ZNF135: variants seen among roughly 807,000 people sequenced by gnomAD.
The protein encoded by ZNF135 is zinc finger protein 135 (clone pHZ-17).
In ZNF135, 11 loss-of-function variants were observed where a neutral mutation model predicts 12.3. The ratio of observed to expected loss-of-function variants is 0.89; its 90% CI spans 0.56 to 1.48. The LOEUF (loss-of-function observed/expected upper bound fraction) is 1.48, where lower values mean the gene tolerates loss of function less well. Ranked by LOEUF, ZNF135 falls within the 40% of genes most tolerant of loss-of-function variation. The pLI is 0.00. For synonymous variants in ZNF135, 316 were observed against 312.0 expected, an observed-to-expected ratio of 1.01 and a Z score of -0.14; for missense variants, 722 against 815.7, an observed-to-expected ratio of 0.89 and a Z score of 1.40.
chr19:58,060,366 G>A lies in ZNF135; in HGVS notation c.33+331G>A, dbSNP rs867754452. The A allele has an allele frequency of 6.6e-5, 84 of 1,267,224 alleles. No homozygotes were observed. Among genetic ancestry groups the A allele is most frequent in the Non-Finnish European group, 8.4e-5 (84 of 998,134 alleles). The allele number at this position is 1,267,224 out of a possible 1,614,324, so 78.5% of individuals were successfully genotyped here. On this transcript the variant is annotated intron_variant, in intron 2 of 4. Transcript: ENST00000313434. The surrounding 1 kb of genome is among the most constrained non-coding windows in gnomAD (Gnocchi z 4.9). ...GCGCCAAGCTCCCCAACCACAGCCT[G>A]CCTCTGAAAGGACCGCCCACGCCGC...
In ZNF135 at chr19:58,060,192, C is replaced by G. The variant is rs1450015420; in HGVS notation, c.33+157C>G. Reference sequence around the variant, plus strand: ...CCTACTTGCGTGCCCGGCCCCTACTCGTGCCCGGCCTCTACTCGCACAACT... The same window carrying G: ...CCTACTTGCGTGCCCGGCCCCTACTGGTGCCCGGCCTCTACTCGCACAACT... On this transcript the variant is annotated intron_variant, in intron 2 of 4. Transcript: ENST00000313434. The surrounding 1 kb of genome is among the most constrained non-coding windows in gnomAD (Gnocchi z 4.9). 2 of 1,498,524 alleles carry G rather than the reference C, an allele frequency of 1.3e-6. No homozygotes were observed. Among genetic ancestry groups the G allele is most frequent in the South Asian group, 2.6e-5 (2 of 77,236 alleles). The allele number at this position is 1,498,524 out of a possible 1,614,324, so 92.8% of individuals were successfully genotyped here.
Position 58,060,451 on chromosome 19 carries a change from A to C in ZNF135, c.33+416A>C. 1 of 1,093,600 alleles carries C rather than the reference A, an allele frequency of 9.1e-7. No individual in the cohort carries two copies. Among genetic ancestry groups the C allele is most frequent in the Non-Finnish European group, 1.1e-6 (1 of 894,870 alleles). The allele number at this position is 1,093,600 out of a possible 1,614,324, so 67.7% of individuals were successfully genotyped here. A position where few individuals can be genotyped will look rare whatever the true frequency, so the allele number is the denominator to read the frequency against. ...TGGGCTTTATGTTTGTGCGGCCGTC[A>C]TTGCATACCTGAGGCTGGGTGATGT... is the stretch of plus-strand genomic sequence containing the variant. On this transcript the variant is annotated intron_variant, in intron 2 of 4. Transcript: ENST00000313434. This position sits in a 1 kb window ranked among gnomAD's most constrained non-coding sequence, Gnocchi z 4.9.
In ZNF135 at chr19:58,067,983, G is replaced by A. The variant is rs2074105696; in HGVS notation, c.1499G>A (p.Gly500Asp). Reference protein sequence around the residue: ...GEKPYECNDCGKAFSHSSSLT... With the variant: ...GEKPYECNDCDKAFSHSSSLT... Reference sequence around the variant, plus strand: ...AAGCCCTATGAATGCAATGACTGCGGCAAGGCATTCAGTCACAGCTCGTCC... The same window carrying A: ...AAGCCCTATGAATGCAATGACTGCGACAAGGCATTCAGTCACAGCTCGTCC... Residue 500 changes from glycine (G) to aspartate (D), a missense_variant, in exon 5 of 5, where the codon GGC (glycine) becomes GAC (aspartate). By Grantham distance (94) the Gly-to-Asp change is moderately conservative. Transcript: ENST00000313434. 6.2e-7 allele frequency: 1 copy of A among 1,613,836 alleles called. No individual in the cohort carries two copies. The highest frequency in any genetic ancestry group is 1.7e-5 in the Admixed American group (1 of 59,982).
Position 58,068,227 on chromosome 19 carries a change from T to C in ZNF135, c.1743T>C (p.Asn581=), listed in dbSNP as rs753699296. The C allele has an allele frequency of 1.2e-5, 20 of 1,611,840 alleles. No homozygotes were observed. In the East Asian group the frequency reaches 4.3e-4, roughly 34 times the overall value. The change falls in exon 5 of 5, where the codon AAT becomes AAC. Residue 581 remains asparagine, a synonymous_variant. Transcript: ENST00000313434. ...CCAAGGAAAAGCCGTATGGGTGCAA[T>C]GAGTGTGGGAAATCCTTCAGCCACA... ...IHTKEKPYGC[N]ECGKSFSHSS... is the part of the protein sequence containing the mutation.
In ZNF135 at chr19:58,061,684, C is replaced by T; in HGVS notation, c.138C>T (p.Thr46=). The part of the protein sequence containing the change: ...RTLYRDVMLD[T]FRLLVSVGHW... ...TGTACCGTGATGTAATGCTGGACAC[C>T]TTCAGGCTTCTGGTCTCTGTGGGTA... is the stretch of plus-strand genomic sequence containing the variant. The change falls in exon 3 of 5, where the codon ACC becomes ACT. Residue 46 remains threonine, a synonymous_variant. Coordinates refer to ENST00000313434, the MANE Select transcript of ZNF135 (RefSeq NM_001289401.2). The T allele has an allele frequency of 6.2e-7, 1 of 1,613,164 alleles. No individual in the cohort carries two copies.
chr19:58,060,544 G>A lies in ZNF135; in HGVS notation c.33+509G>A. The A allele has an allele frequency of 1.3e-6, 1 of 764,210 alleles. No homozygotes were observed. Among genetic ancestry groups the A allele is most frequent in the Non-Finnish European group, 1.6e-6 (1 of 621,094 alleles). The allele number at this position is 764,210 out of a possible 1,614,324, so 47.3% of individuals were successfully genotyped here. On this transcript the variant is annotated intron_variant, in intron 2 of 4. Transcript: ENST00000313434. This position sits in a 1 kb window ranked among gnomAD's most constrained non-coding sequence, Gnocchi z 4.9. ...GGCCTTAGCATGCTCTGCGCTCCAA[G>A]ATGGCGCATCGAGTGCCGCTTCCTC...
At position 58,059,795 on chromosome 19, in the gene ZNF135, A is replaced by C; in HGVS notation, c.-34-174A>C. The C allele has an allele frequency of 1.4e-6, 1 of 733,966 alleles. No homozygotes were observed. The highest frequency in any genetic ancestry group is 2.8e-5 in the East Asian group (1 of 36,066). The allele number at this position is 733,966 out of a possible 1,614,324, so 45.5% of individuals were successfully genotyped here. ...TCCCTCAGACAGGCGGGAAAACCCT[A>C]GGCTGCCCTTCTCCGAGCGGAGGGC... On this transcript the variant is annotated intron_variant, in intron 1 of 4. Coordinates refer to ENST00000313434, the MANE Select transcript of ZNF135 (RefSeq NM_001289401.2). This position sits in a 1 kb window ranked among gnomAD's most constrained non-coding sequence, Gnocchi z 6.5.
At position 58,059,808 on chromosome 19, in the gene ZNF135, C is replaced by G. The variant is rs1386426497; in HGVS notation, c.-34-161C>G. The G allele has an allele frequency of 5.9e-6, 5 of 851,236 alleles. No individual in the cohort carries two copies. In the East Asian group the frequency reaches 1.4e-4, roughly 23 times the overall value. 52.7% of individuals were successfully genotyped at this position (851,236 alleles called of 1,614,324 possible). ...CGGGAAAACCCTAGGCTGCCCTTCT[C>G]CGAGCGGAGGGCCGCCCCACACACA... is the stretch of plus-strand genomic sequence containing the variant. On this transcript the variant is annotated intron_variant, in intron 1 of 4. Coordinates refer to ENST00000313434, the MANE Select transcript of ZNF135 (RefSeq NM_001289401.2). This position sits in a 1 kb window ranked among gnomAD's most constrained non-coding sequence, Gnocchi z 6.5.
Position 58,059,926 on chromosome 19 carries a change from C to A in ZNF135, c.-34-43C>A. ...GTTCCCCGGCTTGGGGACCTGAGCA[C>A]CGCCTCTGCCTGCCCCAGCTGCTCA... On this transcript the variant is annotated intron_variant, in intron 1 of 4. Transcript: ENST00000313434. The surrounding 1 kb of genome is among the most constrained non-coding windows in gnomAD (Gnocchi z 6.5). The A allele has an allele frequency of 6.2e-7, 1 of 1,605,330 alleles. No individual in the cohort carries two copies. The highest frequency in any genetic ancestry group is 8.5e-7 in the Non-Finnish European group (1 of 1,176,346).
At chr19:58,066,036 C>G (rs1357778259) in intron 4 of ZNF135, among the ~76,000 whole-genome samples, 1 of 152,112 alleles carries the variant, frequency 6.6e-6, no homozygotes. Context: ...ATATTGAGCT[C>G]TTGCTGTGGG....
rs550729750 is a variant in ZNF135, at chr19:58,068,249, C to T, written c.1765C>T (p.His589Tyr). 3.7e-6 allele frequency: 6 copies of T among 1,614,118 alleles called. No homozygotes were observed. The South Asian group carries it at 6.6e-5, about 18-fold the overall frequency. The change falls in exon 5 of 5, where the codon CAC becomes TAC. Residue 589 changes from histidine (H) to tyrosine (Y), a missense_variant. Physicochemically the swap from His to Tyr is moderately conservative, Grantham distance 83 (BLOSUM62 2). Coordinates refer to ENST00000313434, the MANE Select transcript of ZNF135 (RefSeq NM_001289401.2). The part of the protein sequence containing the change: ...GCNECGKSFS[H>Y]SSSLSQHERT... The stretch of plus-strand genomic sequence containing the variant: ...CAATGAGTGTGGGAAATCCTTCAGC[C>T]ACAGCTCCTCGCTCAGCCAGCACGA...
rs2073922874 is a variant in ZNF135 at position 58,059,331 on chromosome 19, G to GGGGGAGGGGAGGCCAGGCC, written c.-35+25_-35+43dup. On this transcript the variant is annotated intron_variant, in intron 1 of 4. Transcript: ENST00000313434. This position sits in a 1 kb window ranked among gnomAD's most constrained non-coding sequence, Gnocchi z 6.5. ...GGAGGGTGAGCTAGGCCGGCGAGGA[G>GGGGGAGGGGAGGCCAGGCC]GGGGAGGGGAGGCCAGGCCGGGCCG... 1 of 1,520,258 alleles carries GGGGGAGGGGAGGCCAGGCC rather than the reference G, an allele frequency of 6.6e-7. No individual in the cohort carries two copies. Among genetic ancestry groups the GGGGGAGGGGAGGCCAGGCC allele is most frequent in the Admixed American group, 1.9e-5 (1 of 51,828 alleles). 94.2% of individuals were successfully genotyped at this position (1,520,258 alleles called of 1,614,324 possible).
At position 58,060,380 on chromosome 19, in the gene ZNF135, C is replaced by T. The variant is rs149546949; in HGVS notation, c.33+345C>T. The T allele has an allele frequency of 0.013, 16,115 of 1,247,460 alleles. 118 individuals are homozygous for T. The highest frequency in any genetic ancestry group is 0.015 in the Non-Finnish European group (15,027 of 986,138). 77.3% of individuals were successfully genotyped at this position (1,247,460 alleles called of 1,614,324 possible). The stretch of plus-strand genomic sequence containing the variant: ...AACCACAGCCTGCCTCTGAAAGGAC[C>T]GCCCACGCCGCGCTGGAGGTCAGCG... On this transcript the variant is annotated intron_variant, in intron 2 of 4. Coordinates refer to ENST00000313434, the MANE Select transcript of ZNF135 (RefSeq NM_001289401.2). This position sits in a 1 kb window ranked among gnomAD's most constrained non-coding sequence, Gnocchi z 4.9.
Position 58,067,260 on chromosome 19 carries a change from A to C in ZNF135, c.776A>C (p.Lys259Thr), listed in dbSNP as rs753534109. ...TTCCGGAACAGCTCGGCACTTACCA[A>C]ACACCAGAGAATCCATACTGGGGAG... ...KGFRNSSALT[K>T]HQRIHTGEKP... The change falls in exon 5 of 5, where the codon AAA (lysine) becomes ACA (threonine). Residue 259 changes from lysine to threonine, a missense_variant. Lys to Thr is a moderately conservative substitution (Grantham distance 78). Coordinates refer to ENST00000313434, the MANE Select transcript of ZNF135 (RefSeq NM_001289401.2). 1 of 1,614,210 alleles carries C rather than the reference A, an allele frequency of 6.2e-7. No individual in the cohort carries two copies. Among genetic ancestry groups the C allele is most frequent in the Non-Finnish European group, 8.5e-7 (1 of 1,180,024 alleles).
chr19:58,065,336 G>A lies in ZNF135; in HGVS notation c.257-1405G>A, dbSNP rs2145932492. ...AGCCTCCTGAGTAGCTGAGACTACAGGTGTGTGTCACCATGCCCAGCTAAT... is the reference window on the plus strand; with the variant it reads ...AGCCTCCTGAGTAGCTGAGACTACAAGTGTGTGTCACCATGCCCAGCTAAT... On this transcript the variant is annotated intron_variant, in intron 4 of 4. Transcript: ENST00000313434. This position sits in a 1 kb window ranked among gnomAD's most constrained non-coding sequence, Gnocchi z 4.0. Among the ~76,000 whole-genome samples, 1 of 152,186 alleles carries A rather than the reference G, an allele frequency of 6.6e-6. No individual in the cohort carries two copies. Among genetic ancestry groups the A allele is most frequent in the East Asian group, 1.9e-4 (1 of 5,178 alleles).
intron 4 of ZNF135, among the ~76,000 whole-genome samples, chr19:58,064,417 C>T (rs1299683696): frequency 6.6e-6 from 1 of 152,106 alleles, no homozygotes; most frequent in Non-Finnish European, 1.5e-5. Context: ...CCAACCCCTC[C>T]TCCTACTCCT....
At position 58,060,718 on chromosome 19, in the gene ZNF135, A is replaced by C. The variant is rs2073962496; in HGVS notation, c.33+683A>C. On this transcript the variant is annotated intron_variant, in intron 2 of 4. Transcript: ENST00000313434. This position sits in a 1 kb window ranked among gnomAD's most constrained non-coding sequence, Gnocchi z 4.9. ...TGCGATGGCTTGTAGCTGTAATCCC[A>C]GCTATGGGGGAGGATTGCTTGAGCC... 1.3e-5 allele frequency among the ~76,000 whole-genome samples: 2 copies of C among 152,146 alleles called. No homozygotes were observed. Among genetic ancestry groups the C allele is most frequent in the African/African-American group, 4.8e-5 (2 of 41,432 alleles).
At chr19:58,066,103 A>G (rs879411634) in intron 4 of ZNF135, among the ~76,000 whole-genome samples, 3 of 152,216 alleles carry the variant, frequency 2.0e-5, no homozygotes, top group Non-Finnish European at 4.4e-5. Context: ...AGGGGTTCCC[A>G]GTTAGTGAAA....
At position 58,059,353 on chromosome 19, in the gene ZNF135, G is replaced by A; in HGVS notation, c.-35+43G>A. 1.8e-6 allele frequency: 2 copies of A among 1,128,546 alleles called. No homozygotes were observed. Among genetic ancestry groups the A allele is most frequent in the Admixed American group, 3.1e-5 (1 of 31,922 alleles). 69.9% of individuals were successfully genotyped at this position (1,128,546 alleles called of 1,614,324 possible). ...GGAGGGGGAGGGGAGGCCAGGCCGG[G>A]CCGGGCCGGGCCGGGTGCGGGGGGT... On this transcript the variant is annotated intron_variant, in intron 1 of 4. Coordinates refer to ENST00000313434, the MANE Select transcript of ZNF135 (RefSeq NM_001289401.2). This position sits in a 1 kb window ranked among gnomAD's most constrained non-coding sequence, Gnocchi z 6.5.
Sources: allele counts gnomAD v4.1 joint callset (sites outside exome capture counted in the v4.1 genomes callset), GRCh38; gene constraint gnomAD v4.1.1; non-coding constraint Gnocchi (gnomAD v3.1); transcripts MANE v1.5; gene names NCBI Gene and HGNC (gene_info 2026-07-23, HGNC 2026-07-21).